The following RIMKLB variants were observed in gnomAD, a reference collection of about 807,000 sequenced individuals.
RIMKLB encodes beta-citrylglutamate synthase B.
In RIMKLB, 7 loss-of-function variants were observed where a neutral mutation model predicts 32.0. The ratio of observed to expected loss-of-function variants is 0.22; its 90% CI spans 0.12 to 0.41. The LOEUF (loss-of-function observed/expected upper bound fraction) is 0.41. Ranked by LOEUF, RIMKLB falls within the 10% of genes least tolerant of loss-of-function variation. The pLI, the probability that RIMKLB is intolerant of heterozygous loss-of-function variation, is 1.00. For synonymous variants in RIMKLB, 172 were observed against 185.1 expected (o/e 0.93, Z 0.57); for missense variants, 289 against 498.7 (o/e 0.58, Z 4.00).
chr12:8,776,759 C>T lies in RIMKLB; in HGVS notation c.*2975C>T. On this transcript the variant is annotated 3_prime_UTR_variant, in exon 6 of 6. Transcript: ENST00000535829. ...CATTGAAATCTTCCTGTATATGTTA[C>T]CAATAAGAAAACTACCCTGGAACAG... The T allele has an allele frequency of 1.0e-6, 1 of 985,180 alleles. No homozygotes were observed. Among genetic ancestry groups the T allele is most frequent in the Non-Finnish European group, 1.2e-6 (1 of 829,838 alleles). 61.0% of individuals were successfully genotyped at this position (985,180 alleles called of 1,614,324 possible).
At chr12:8,754,129 GTAACATTTA>G in intron 5 of RIMKLB, 36 bp downstream of exon 5, 1 of 1,463,562 alleles carries the variant, frequency 6.8e-7, no homozygotes, top group Non-Finnish European at 9.6e-7. Context: ...AGTATATAAA[GTAACATTTA>G]TAATTGTCCA....
At chr12:8,749,219 A>ATTTTTT (rs34847350) in intron 2 of RIMKLB, among the ~76,000 whole-genome samples, 10 of 141,014 alleles carry the variant, frequency 7.1e-5, no homozygotes, top group African/African-American at 2.6e-4. Context: ...AACCACTTAG[A>ATTTTTT]TTTTTTTTTT....
At chr12:8,739,700 C>A (rs1947324135) in intron 2 of RIMKLB, among the ~76,000 whole-genome samples, 1 of 152,094 alleles carries the variant, frequency 6.6e-6, no homozygotes, top group Non-Finnish European at 1.5e-5. Flanking sequence ...TCTTGAACTC[C>A]TTGGGCTCAA....
In RIMKLB at chr12:8,773,543, T is replaced by G; in HGVS notation, c.920T>G (p.Leu307Arg). 1 of 1,614,250 alleles carries G rather than the reference T, an allele frequency of 6.2e-7. No individual in the cohort carries two copies. The change falls in exon 6 of 6, where the codon CTA becomes CGA. Residue 307 changes from leucine (L) to arginine (R), a missense_variant. By Grantham distance (102) the Leu-to-Arg change is moderately radical (BLOSUM62 -2). Coordinates refer to ENST00000535829, the MANE Select transcript of RIMKLB (RefSeq NM_001297776.2). ...ATAGCAGACTATGCCGCCTCCCTTC[T>G]ACCCTCTGGCCGGCTCACCCGGCGT... ...GIIADYAASL[L>R]PSGRLTRRMS...
At chr12:8,707,375 A>G (rs778834590) in intron 1 of RIMKLB, among the ~76,000 whole-genome samples, 44 of 152,348 alleles carry the variant, frequency 2.9e-4, no homozygotes, top group Middle Eastern at 3.4e-3. Flanking sequence ...GTTTACGTGT[A>G]TGTTATAAAG....
intron 4 of RIMKLB, among the ~76,000 whole-genome samples, chr12:8,752,259 ATGTC>A (rs1280743909): frequency 1.3e-5 from 2 of 152,176 alleles, no homozygotes; most frequent in African/African-American, 4.8e-5. Context: ...TCTCAAGTTA[ATGTC>A]TGTATCTTCC....
In RIMKLB at chr12:8,775,651, A is replaced by G. The variant is rs1236793127; in HGVS notation, c.*1867A>G. On this transcript the variant is annotated 3_prime_UTR_variant, in exon 6 of 6. Transcript: ENST00000535829. ...GAGGTTTGATCATGCTTACTTGTAC[A>G]GTTTTTCCCCCGTTTTAAAAAGGAA... 2.0e-6 allele frequency: 2 copies of G among 985,682 alleles called. No individual in the cohort carries two copies. Among genetic ancestry groups the G allele is most frequent in the Non-Finnish European group, 2.4e-6 (2 of 829,880 alleles). The allele number at this position is 985,682 out of a possible 1,614,324, so 61.1% of individuals were successfully genotyped here.
At chr12:8,718,665 ATATATGTGTGTGTGTGTGTGTGTG>A (rs1415919210) in intron 2 of RIMKLB, among the ~76,000 whole-genome samples, 10 of 104,248 alleles carry the variant, frequency 9.6e-5, no homozygotes, top group African/African-American at 3.5e-4. Context: ...ATATATATAT[ATATATGTGTGTGTGTGTGTGTGTG>A]TGTGTGTGTG....
intron 2 of RIMKLB, among the ~76,000 whole-genome samples, chr12:8,724,163 C>T (rs1208699472): frequency 2.6e-5 from 4 of 152,062 alleles, no homozygotes; most frequent in African/African-American, 9.7e-5. Flanking sequence ...GTTTCACTGA[C>T]TTGGTAATTT....
chr12:8,774,573 T>C lies in RIMKLB; in HGVS notation c.*789T>C, dbSNP rs767958622. The C allele has an allele frequency of 1.2e-3, 164 of 132,326 alleles. No homozygotes were observed. The highest frequency in any genetic ancestry group is 6.1e-3 in the African/African-American group (146 of 24,124). 8.2% of individuals were successfully genotyped at this position (132,326 alleles called of 1,614,324 possible). On this transcript the variant is annotated 3_prime_UTR_variant, in exon 6 of 6. Transcript: ENST00000535829. ...GAAAGATGTGCTCTGTTAATGTTGCTTTTTTTTTTTTTTTTAATACATGCT... is the reference window on the plus strand; with the variant it reads ...GAAAGATGTGCTCTGTTAATGTTGCCTTTTTTTTTTTTTTTAATACATGCT...
In RIMKLB at chr12:8,768,685, AG is replaced by A. The variant is rs59646423; in HGVS notation, c.698-4635del. On this transcript the variant is annotated intron_variant, in intron 5 of 5. Coordinates refer to ENST00000535829, the MANE Select transcript of RIMKLB (RefSeq NM_001297776.2). Reference sequence around the variant, plus strand: ...CCTTTCTCATCCTAGTTCCTTTTGCAGTAATAGCTTTTATCACTTTCTGAAA... The same window carrying A: ...CCTTTCTCATCCTAGTTCCTTTTGCATAATAGCTTTTATCACTTTCTGAAA... Among the ~76,000 whole-genome samples, 670 of 152,288 alleles carry A rather than the reference AG, an allele frequency of 4.4e-3. 6 individuals carry two copies. The highest frequency in any genetic ancestry group is 0.016 in the African/African-American group (645 of 41,552).
At chr12:8,748,966 T>C (rs942716584) in intron 2 of RIMKLB, among the ~76,000 whole-genome samples, 3 of 152,092 alleles carry the variant, frequency 2.0e-5, no homozygotes, top group African/African-American at 7.2e-5. Flanking sequence ...ATAAATACCT[T>C]GTTTGTGTAT....
At chr12:8,725,013 A>G (rs1945844989) in intron 2 of RIMKLB, among the ~76,000 whole-genome samples, 1 of 152,084 alleles carries the variant, frequency 6.6e-6, no homozygotes. Flanking sequence ...TTCTCAGTCG[A>G]TTTTTTAGCT....
At chr12:8,675,102 A>G in the RIMKLB span, among the ~76,000 whole-genome samples, 18 of 152,130 alleles carry the variant, frequency 1.2e-4, no homozygotes, top group African/African-American at 4.3e-4. Context: ...ACCTCAGGTG[A>G]TCCACCCACT....
chr12:8,726,752 T>C (rs1475019331), intron 2 of RIMKLB, among the ~76,000 whole-genome samples: 1 of 152,214 alleles, frequency 6.6e-6, no homozygotes, highest in East Asian at 1.9e-4. Context: ...GTCTTGTTTT[T>C]TGATCCACTG....
intron 1 of RIMKLB, among the ~76,000 whole-genome samples, chr12:8,711,151 T>C (rs747754740): frequency 9.9e-5 from 15 of 151,960 alleles, no homozygotes; most frequent in Admixed American, 9.8e-4. Context: ...GGAGAATTGC[T>C]TGAACCCAGG....
chr12:8,746,504 A>G (rs764840550), intron 2 of RIMKLB, among the ~76,000 whole-genome samples: 2 of 150,932 alleles, frequency 1.3e-5, no homozygotes, highest in East Asian at 3.9e-4. Flanking sequence ...AGGCTGAGGC[A>G]GGAGAATTGC....
In RIMKLB at chr12:8,754,112, T is replaced by C. The variant is rs767056169; in HGVS notation, c.697+19T>C. On this transcript the variant is annotated intron_variant, in intron 5 of 5. Coordinates refer to ENST00000535829, the MANE Select transcript of RIMKLB (RefSeq NM_001297776.2). ...TCATTAGGTAAAAATAATGCAATTATCTTTCTAGTATATAAAGTAACATTT... is the reference window on the plus strand; with the variant it reads ...TCATTAGGTAAAAATAATGCAATTACCTTTCTAGTATATAAAGTAACATTT... 1.9e-6 allele frequency: 3 copies of C among 1,550,300 alleles called. No homozygotes were observed. In the South Asian group the frequency reaches 3.3e-5, roughly 17 times the overall value.
At chr12:8,732,909 T>G (rs747593928) in intron 2 of RIMKLB, among the ~76,000 whole-genome samples, 4 of 152,212 alleles carry the variant, frequency 2.6e-5, no homozygotes, top group Non-Finnish European at 5.9e-5. Context: ...CATTTTTAGT[T>G]GAGGTATAAT....
Sources: allele counts gnomAD v4.1 joint callset (sites outside exome capture counted in the v4.1 genomes callset), GRCh38; gene constraint gnomAD v4.1.1; transcripts MANE v1.5; gene names NCBI Gene and HGNC (gene_info 2026-07-23, HGNC 2026-07-21).